Variants in TENM4 observed in about 807,000 individuals in gnomAD.
The protein encoded by TENM4 is teneurin transmembrane protein 4.
TENM4 carries 82 observed loss-of-function variants against 243.3 expected under a neutral mutation model. That is an observed-to-expected ratio of 0.34 (90% CI 0.28 to 0.40). The LOEUF is 0.40. Ranked by LOEUF, TENM4 falls within the 10% of genes least tolerant of loss-of-function variation. TENM4 has a pLI of 1.00. For synonymous variants in TENM4, 1,412 were observed against 1,456.3 expected, an observed-to-expected ratio of 0.97 and a Z score of 0.69; for missense variants, 3,138 against 3,673.3, an observed-to-expected ratio of 0.85 and a Z score of 3.77.
chr11:79,115,187 T>C (rs1396147659), intron 4 of TENM4, among the ~76,000 whole-genome samples: 1 of 152,128 alleles, frequency 6.6e-6, no homozygotes, highest in Non-Finnish European at 1.5e-5. Flanking sequence ...TGACGGAAAC[T>C]TGGAAAATGT....
intron 6 of TENM4, among the ~76,000 whole-genome samples, chr11:79,010,183 T>A (rs923848597): frequency 6.6e-6 from 1 of 152,112 alleles, no homozygotes; most frequent in Non-Finnish European, 1.5e-5. Flanking sequence ...ATAGACCCAG[T>A]CTTTCCTGTC....
intron 32 of TENM4, among the ~76,000 whole-genome samples, chr11:78,667,815 T>A (rs1037486955): frequency 6.6e-6 from 1 of 152,242 alleles, no homozygotes; most frequent in Non-Finnish European, 1.5e-5. Context: ...GAGAGACTAC[T>A]GGCTTTGCAA....
In TENM4 at chr11:79,438,429, C is replaced by A. The variant is rs561999937; in HGVS notation, c.-321+2080G>T. On this transcript the variant is annotated intron_variant, in intron 1 of 33. Transcript: ENST00000278550. This position sits in a 1 kb window ranked among gnomAD's most constrained non-coding sequence, Gnocchi z 4.1. Reference sequence around the variant, plus strand: ...GAACGGAAGCCATACCCGACCCCAGCCCCATCCCGTCCCCATCAGCGCCGG... The same window carrying A: ...GAACGGAAGCCATACCCGACCCCAGACCCATCCCGTCCCCATCAGCGCCGG... Among the ~76,000 whole-genome samples, 4 of 152,298 alleles carry A rather than the reference C, an allele frequency of 2.6e-5. No individual in the cohort carries two copies. In the South Asian group the frequency reaches 6.2e-4, roughly 24 times the overall value.
At chr11:78,922,241 A>G (rs1856463724) in intron 6 of TENM4, among the ~76,000 whole-genome samples, 1 of 152,232 alleles carries the variant, frequency 6.6e-6, no homozygotes, top group Non-Finnish European at 1.5e-5. Flanking sequence ...TAAAATATGC[A>G]GAGACAGCAT....
chr11:78,712,130 GA>G (rs1859412591), intron 26 of TENM4, among the ~76,000 whole-genome samples: 1 of 152,120 alleles, frequency 6.6e-6, no homozygotes, highest in African/African-American at 2.4e-5. Context: ...CCATTTGCTG[GA>G]AAACTATATA....
At chr11:79,345,204 G>A (rs1857306580) in intron 1 of TENM4, among the ~76,000 whole-genome samples, 5 of 152,216 alleles carry the variant, frequency 3.3e-5, no homozygotes, top group Admixed American at 3.3e-4. Context: ...AGGGGAGGGA[G>A]CAAAGCCAAG....
chr11:78,740,758 G>A lies in TENM4; in HGVS notation c.2757-2188C>T, dbSNP rs114549031. On this transcript the variant is annotated intron_variant, in intron 19 of 33. Transcript: ENST00000278550. Reference sequence around the variant, plus strand: ...GGACAGAAACCAGTCCTGGGGGGATGGCTTCCTTTCTGGGGCTGTCCTGGC... The same window carrying A: ...GGACAGAAACCAGTCCTGGGGGGATAGCTTCCTTTCTGGGGCTGTCCTGGC... Among the ~76,000 whole-genome samples the A allele has an allele frequency of 1.0e-3, 156 of 152,346 alleles. 1 individual carries two copies. The highest frequency in any genetic ancestry group is 3.6e-3 in the African/African-American group (149 of 41,580).
At chr11:79,402,186 G>A (rs2059274288) in intron 1 of TENM4, 1 of 253,490 alleles carries the variant, frequency 3.9e-6, no homozygotes, top group East Asian at 1.1e-4. Flanking sequence ...GAGAAGTCAG[G>A]CTTCAGGAAT....
chr11:79,163,943 A>T (rs1862823386), intron 3 of TENM4, among the ~76,000 whole-genome samples: 1 of 140,342 alleles, frequency 7.1e-6, no homozygotes, highest in African/African-American at 2.6e-5. Context: ...ATATATATCT[A>T]TATAGTACTA....
intron 6 of TENM4, among the ~76,000 whole-genome samples, chr11:78,908,444 G>A (rs554733858): frequency 1.3e-5 from 2 of 152,258 alleles, no homozygotes; most frequent in East Asian, 1.9e-4. Flanking sequence ...TGAATAAATC[G>A]CAAAGCCCTG....
rs755971161 is a variant in TENM4, at chr11:78,722,625, G to A, written c.3800+43C>T. The A allele has an allele frequency of 2.3e-5, 36 of 1,590,634 alleles. No homozygotes were observed. The Admixed American group carries it at 5.6e-4, about 25-fold the overall frequency. Reference sequence around the variant, plus strand: ...GTGGCGGGGCCCAAAGGATGGCAAAGGCATATTATTAGGAACTATGAAGAA... The same window carrying A: ...GTGGCGGGGCCCAAAGGATGGCAAAAGCATATTATTAGGAACTATGAAGAA... On this transcript the variant is annotated intron_variant, in intron 24 of 33. Transcript: ENST00000278550.
At chr11:79,160,634 A>T (rs1423397344) in intron 3 of TENM4, among the ~76,000 whole-genome samples, 1 of 152,084 alleles carries the variant, frequency 6.6e-6, no homozygotes, top group Non-Finnish European at 1.5e-5. Context: ...GACAGGTGCC[A>T]GGGTCAGGGG....
At position 79,319,237 on chromosome 11, in the gene TENM4, T is replaced by C. The variant is rs148483300; in HGVS notation, c.-320-21694A>G. Among the ~76,000 whole-genome samples, 803 of 152,306 alleles carry C rather than the reference T, an allele frequency of 5.3e-3. 3 individuals are homozygous for C. The highest frequency in any genetic ancestry group is 8.4e-3 in the Admixed American group (128 of 15,298). ...TTTTCCTTAAACCAGGACATTACAC[T>C]TATATAATAAGAAATGCAGTATAGC... On this transcript the variant is annotated intron_variant, in intron 1 of 33. Transcript: ENST00000278550.
intron 3 of TENM4, among the ~76,000 whole-genome samples, chr11:79,198,686 A>G (rs1863683299): frequency 6.6e-6 from 1 of 152,202 alleles, no homozygotes; most frequent in African/African-American, 2.4e-5. Flanking sequence ...CCCTGCTTCC[A>G]TGCACTTAAT....
At chr11:79,074,318 G>A (rs1326554467) in intron 4 of TENM4, among the ~76,000 whole-genome samples, 2 of 151,962 alleles carry the variant, frequency 1.3e-5, no homozygotes, top group African/African-American at 2.4e-5. Context: ...CTGGAGCAAG[G>A]GACTTCAGTA....
chr11:79,025,567 CTG>C (rs1474751329), intron 6 of TENM4, among the ~76,000 whole-genome samples: 9 of 152,120 alleles, frequency 5.9e-5, no homozygotes, highest in African/African-American at 1.9e-4. Context: ...GATAGATACT[CTG>C]TGGTAGGTAT....
chr11:78,866,988 T>C (rs1400193143), intron 9 of TENM4, among the ~76,000 whole-genome samples: 1 of 152,168 alleles, frequency 6.6e-6, no homozygotes, highest in African/African-American at 2.4e-5. Context: ...AGAAGGTGTA[T>C]ATACTTATGG....
chr11:79,287,875 C>A (rs1856284968), intron 2 of TENM4, among the ~76,000 whole-genome samples: 1 of 152,196 alleles, frequency 6.6e-6, no homozygotes, highest in African/African-American at 2.4e-5. Flanking sequence ...AGCTGTGGGG[C>A]CCATGTCTGC....
At chr11:79,304,830 A>G (rs1590866009) in intron 1 of TENM4, among the ~76,000 whole-genome samples, 1 of 152,204 alleles carries the variant, frequency 6.6e-6, no homozygotes, top group South Asian at 2.1e-4. Context: ...ACTCTGCATC[A>G]ACTTCCTTTC....
Sources: allele counts gnomAD v4.1 joint callset (sites outside exome capture counted in the v4.1 genomes callset), GRCh38; gene constraint gnomAD v4.1.1; non-coding constraint Gnocchi (gnomAD v3.1); transcripts MANE v1.5; gene names NCBI Gene and HGNC (gene_info 2026-07-23, HGNC 2026-07-21).